The following FMN2 variants were observed in gnomAD, a reference collection of about 807,000 sequenced individuals.
FMN2 encodes formin 2.
A neutral mutation model predicts 142.3 loss-of-function variants in FMN2; 51 were observed. The ratio of observed to expected loss-of-function variants is 0.36; its 90% CI spans 0.29 to 0.45. The LOEUF is 0.45. FMN2 is among the 20% of genes least tolerant of loss of function. The pLI is 1.00. For synonymous variants in FMN2, 882 were observed against 869.8 expected (o/e 1.01, Z -0.25); for missense variants, 1,936 against 2,122.8 (o/e 0.91, Z 1.73).
At chr1:240,247,626 G>C (rs1164542432) in intron 6 of FMN2, among the ~76,000 whole-genome samples, 1 of 152,062 alleles carries the variant, frequency 6.6e-6, no homozygotes, top group Non-Finnish European at 1.5e-5. Flanking sequence ...GCAACATGCA[G>C]ATATCAGCAT....
At chr1:240,172,192 A>G (rs959373329) in intron 2 of FMN2, among the ~76,000 whole-genome samples, 3 of 145,058 alleles carry the variant, frequency 2.1e-5, no homozygotes, top group African/African-American at 8.4e-5. Flanking sequence ...GAAATATTAC[A>G]CATACACATA....
intron 14 of FMN2, among the ~76,000 whole-genome samples, chr1:240,381,431 A>C (rs1439969151): frequency 6.6e-6 from 1 of 152,040 alleles, no homozygotes; most frequent in African/African-American, 2.4e-5. Context: ...CCATATGATC[A>C]TCCTTTTTCT....
At chr1:240,146,578 A>ACT (rs1254637596) in intron 2 of FMN2, among the ~76,000 whole-genome samples, 1 of 140,226 alleles carries the variant, frequency 7.1e-6, no homozygotes, top group East Asian at 2.2e-4. Flanking sequence ...GTGGCATGCA[A>ACT]CTCTAGTCCC....
At chr1:240,247,494 C>T (rs1230866601) in intron 6 of FMN2, among the ~76,000 whole-genome samples, 2 of 139,878 alleles carry the variant, frequency 1.4e-5, no homozygotes, top group African/African-American at 2.8e-5. Flanking sequence ...AAGAGCAAAA[C>T]TCCATTTCAA....
At chr1:240,448,696 C>T (rs758103536) in intron 16 of FMN2, among the ~76,000 whole-genome samples, 2 of 151,986 alleles carry the variant, frequency 1.3e-5, no homozygotes, top group Non-Finnish European at 2.9e-5. Context: ...TGGTGCACAC[C>T]TGTGGTCCCA....
In FMN2 at chr1:240,170,227, C is replaced by T. The variant is rs147882249; in HGVS notation, c.1783-7694C>T. On this transcript the variant is annotated intron_variant, in intron 2 of 17. Transcript: ENST00000319653. ...AGTTGCCTGGGAGGCTGGAAAGCCTCTCTCCGTAGAGGAGATAGAGGTGGC... is the reference window on the plus strand; with the variant it reads ...AGTTGCCTGGGAGGCTGGAAAGCCTTTCTCCGTAGAGGAGATAGAGGTGGC... The T allele has an allele frequency of 2.1e-4, 268 of 1,273,058 alleles. No individual in the cohort carries two copies. The African/African-American group carries it at 3.6e-3, about 17-fold the overall frequency. The allele number at this position is 1,273,058 out of a possible 1,614,324, so 78.9% of individuals were successfully genotyped here. A position where few individuals can be genotyped will look rare whatever the true frequency, so the allele number is the denominator to read the frequency against.
intron 4 of FMN2, among the ~76,000 whole-genome samples, chr1:240,203,510 G>A (rs1193964162): frequency 2.0e-5 from 3 of 152,124 alleles, no homozygotes; most frequent in East Asian, 1.9e-4. Context: ...CCTTTGCAGC[G>A]ACATGGATGG....
chr1:240,404,126 G>T (rs1426783797), intron 15 of FMN2, among the ~76,000 whole-genome samples: 1 of 152,184 alleles, frequency 6.6e-6, no homozygotes, highest in Non-Finnish European at 1.5e-5. Flanking sequence ...CGGAATGTGG[G>T]TTCCACTAGT....
At chr1:240,240,528 G>A (rs893744453) in intron 6 of FMN2, among the ~76,000 whole-genome samples, 1 of 152,024 alleles carries the variant, frequency 6.6e-6, no homozygotes, top group African/African-American at 2.4e-5. Context: ...ATCTCTCATT[G>A]AGGTAACGAA....
At chr1:240,241,825 C>CTTCTTTTT (rs1667908718) in intron 6 of FMN2, among the ~76,000 whole-genome samples, 4 of 96,200 alleles carry the variant, frequency 4.2e-5, no homozygotes, top group South Asian at 3.5e-4. Flanking sequence ...GTGTGCCTTG[C>CTTCTTTTT]TTTTTTTTTT....
intron 16 of FMN2, among the ~76,000 whole-genome samples, chr1:240,463,960 G>GC (rs1553268234): frequency 1.3e-5 from 2 of 151,996 alleles, no homozygotes; most frequent in Non-Finnish European, 2.9e-5. Flanking sequence ...CTGAGATCAT[G>GC]CTACTGTACT....
At chr1:240,185,895 C>T (rs1665425789) in intron 3 of FMN2, among the ~76,000 whole-genome samples, 1 of 152,146 alleles carries the variant, frequency 6.6e-6, no homozygotes, top group Non-Finnish European at 1.5e-5. Context: ...TTTGGATTTG[C>T]TTTAATATTA....
At chr1:240,187,229 C>T (rs536326214) in intron 3 of FMN2, among the ~76,000 whole-genome samples, 55 of 140,556 alleles carry the variant, frequency 3.9e-4, no homozygotes, top group Non-Finnish European at 6.2e-4. Flanking sequence ...AAGATCGCGC[C>T]GTTGCACTCC....
At chr1:240,185,567 C>G (rs1227807768) in intron 3 of FMN2, among the ~76,000 whole-genome samples, 3 of 152,298 alleles carry the variant, frequency 2.0e-5, no homozygotes, top group Admixed American at 2.0e-4. Flanking sequence ...ATGCATCTTT[C>G]TAATGTGGTT....
intron 2 of FMN2, chr1:240,145,140 G>A (rs1032076900): frequency 3.0e-5 from 45 of 1,482,544 alleles, no homozygotes; most frequent in South Asian, 3.0e-4. Context: ...ATCTGCCTTC[G>A]CATTTCCTCC....
intron 15 of FMN2, among the ~76,000 whole-genome samples, chr1:240,432,859 C>G (rs1201304491): frequency 6.6e-6 from 1 of 152,034 alleles, no homozygotes; most frequent in African/African-American, 2.4e-5. Context: ...TGTATAATTT[C>G]AGTTTGAAAT....
intron 4 of FMN2, among the ~76,000 whole-genome samples, chr1:240,197,491 G>A (rs1295492732): frequency 1.3e-5 from 2 of 152,146 alleles, no homozygotes; most frequent in Non-Finnish European, 2.9e-5. Flanking sequence ...TGCATATGAA[G>A]TGGGGGCAGT....
intron 7 of FMN2, among the ~76,000 whole-genome samples, chr1:240,283,135 G>A (rs1190766965): frequency 6.6e-6 from 1 of 152,130 alleles, no homozygotes; most frequent in Non-Finnish European, 1.5e-5. Context: ...GCCAAGCTGT[G>A]TTTTTCTTTT....
At chr1:240,382,520 G>A (rs1398366936) in intron 14 of FMN2, among the ~76,000 whole-genome samples, 1 of 152,060 alleles carries the variant, frequency 6.6e-6, no homozygotes, top group Non-Finnish European at 1.5e-5. Flanking sequence ...AATTAGCCAG[G>A]TGTGGTGGTG....
Sources: allele counts gnomAD v4.1 joint callset (sites outside exome capture counted in the v4.1 genomes callset), GRCh38; gene constraint gnomAD v4.1.1; transcripts MANE v1.5; gene names NCBI Gene and HGNC (gene_info 2026-07-23, HGNC 2026-07-21).